Variants in NRTN observed in about 807,000 individuals in gnomAD.
NRTN encodes neurturin.
A neutral mutation model predicts 7.5 loss-of-function variants in NRTN; 3 were observed. The observed-to-expected ratio is 0.40, with a 90% CI of 0.18 to 1.03. The LOEUF (loss-of-function observed/expected upper bound fraction) is 1.03. NRTN is among the 50% of genes least tolerant of loss of function. NRTN has a pLI of 0.34. For synonymous variants in NRTN, 157 were observed against 146.6 expected (o/e 1.07, Z -0.51); for missense variants, 310 against 307.0 (o/e 1.01, Z -0.07).
At chr19:5,826,286 C>T (rs1327959994) in intron 2 of NRTN, among the ~76,000 whole-genome samples, 1 of 152,160 alleles carries the variant, frequency 6.6e-6, no homozygotes, top group African/African-American at 2.4e-5. Context: ...CCTGGCCACT[C>T]CAGTCCTGCT....
chr19:5,822,440 G>C (rs1053456712), intron 1 of NRTN, among the ~76,000 whole-genome samples: 8 of 152,240 alleles, frequency 5.3e-5, no homozygotes, highest in Admixed American at 3.3e-4. Flanking sequence ...TGTAAACTCG[G>C]GCTGGGGGCC....
At chr19:5,816,291 G>T (rs1166228998) in intron 1 of NRTN, among the ~76,000 whole-genome samples, 1 of 152,034 alleles carries the variant, frequency 6.6e-6, no homozygotes, top group African/African-American at 2.4e-5. Flanking sequence ...CTTTCCTTTG[G>T]CCCCTCCAAT....
chr19:5,817,923 C>A (rs1014359087), intron 1 of NRTN, among the ~76,000 whole-genome samples: 2 of 152,118 alleles, frequency 1.3e-5, no homozygotes, highest in African/African-American at 2.4e-5. Context: ...CCTCAGCCTC[C>A]CGAGTAGCTG....
At position 5,824,317 on chromosome 19, in the gene NRTN, T is replaced by G. The variant is rs767952171; in HGVS notation, c.152T>G (p.Ile51Ser). The G allele has an allele frequency of 2.5e-6, 4 of 1,604,776 alleles. No homozygotes were observed. In the Admixed American group the frequency reaches 6.8e-5, roughly 27 times the overall value. Reference protein sequence around the residue: ...HRLPRTLDARIARLAQYRALL... With the variant: ...HRLPRTLDARSARLAQYRALL... The stretch of plus-strand genomic sequence containing the variant: ...CTGCCTCGAACCCTGGACGCCCGGA[T>G]TGCCCGCCTGGCCCAGTGTAAGCTC... The change falls in exon 2 of 3, where the codon ATT (isoleucine) becomes AGT (serine). Residue 51 changes from isoleucine to serine, a missense_variant. Physicochemically the swap from Ile to Ser is moderately radical, Grantham distance 142 (BLOSUM62 -2). Coordinates refer to ENST00000303212, the MANE Select transcript of NRTN (RefSeq NM_004558.5).
At chr19:5,824,477 A>G (rs1264417331) in intron 2 of NRTN, 143 bp downstream of exon 2, 11 of 1,078,828 alleles carry the variant, frequency 1.0e-5, no homozygotes, top group Non-Finnish European at 1.5e-5. Flanking sequence ...GCAGGGACAG[A>G]CATCCTAAAA....
At chr19:5,819,710 T>A (rs1438194896) in intron 1 of NRTN, among the ~76,000 whole-genome samples, 3 of 151,756 alleles carry the variant, frequency 2.0e-5, no homozygotes, top group African/African-American at 4.8e-5. Context: ...TGGCTGGGTG[T>A]GGTGGTGCAT....
intron 1 of NRTN, among the ~76,000 whole-genome samples, chr19:5,821,028 T>C (rs1278906409): frequency 2.0e-5 from 3 of 152,200 alleles, no homozygotes; most frequent in Non-Finnish European, 4.4e-5. Flanking sequence ...CTGGAACACC[T>C]GCCCCCAGAT....
At position 5,820,945 on chromosome 19, in the gene NRTN, G is replaced by C. The variant is rs1049354440; in HGVS notation, c.-398-2823G>C. ...CCCTCCTCACTCTGCTCAGACACAC[G>C]GGCCTCCTCACTGTTCCTCCAACAC... On this transcript the variant is annotated intron_variant, in intron 1 of 2. Coordinates refer to ENST00000303212, the MANE Select transcript of NRTN (RefSeq NM_004558.5). 2.9e-4 allele frequency among the ~76,000 whole-genome samples: 44 copies of C among 152,016 alleles called. 1 individual carries two copies. The highest frequency in any genetic ancestry group is 1.0e-3 in the African/African-American group (42 of 41,478).
chr19:5,816,682 T>A (rs183524444), intron 1 of NRTN, among the ~76,000 whole-genome samples: 133 of 152,094 alleles, frequency 8.7e-4, no homozygotes, highest in Admixed American at 3.8e-3. Flanking sequence ...GTGCCCCGTC[T>A]TGTCTTCTTT....
intron 1 of NRTN, among the ~76,000 whole-genome samples, chr19:5,822,098 A>G (rs2057026833): frequency 6.6e-6 from 1 of 152,116 alleles, no homozygotes; most frequent in South Asian, 2.1e-4. Flanking sequence ...TTAAGGTCTG[A>G]TATGTGTAGC....
intron 1 of NRTN, among the ~76,000 whole-genome samples, chr19:5,808,923 T>C (rs945625998): frequency 1.3e-5 from 2 of 151,720 alleles, no homozygotes; most frequent in Non-Finnish European, 2.9e-5. Context: ...GCCCGGCTAA[T>C]TTTTTGTATT....
intron 1 of NRTN, among the ~76,000 whole-genome samples, chr19:5,822,385 C>T (rs763860585): frequency 1.3e-5 from 2 of 152,176 alleles, no homozygotes; most frequent in South Asian, 2.1e-4. Context: ...CCTGGCCGGC[C>T]GCCAGGCTCC....
rs1950542336 is a variant in NRTN at position 5,823,757 on chromosome 19, T to C, written c.-398-11T>C. 3 of 334,026 alleles carry C rather than the reference T, an allele frequency of 9.0e-6. No homozygotes were observed. Among genetic ancestry groups the C allele is most frequent in the South Asian group, 5.6e-5 (2 of 35,628 alleles). 20.7% of individuals were successfully genotyped at this position (334,026 alleles called of 1,614,324 possible). ...CCTCTCCTCCTTTCACTCTTCCCCC[T>C]GGCTCCTCAGCTGCAGCCGCTCCGG... On this transcript the variant is annotated splice_polypyrimidine_tract_variant and intron_variant, in intron 1 of 2. Transcript: ENST00000303212.
chr19:5,828,208 C>A lies in NRTN; in HGVS notation c.*35C>A. ...ACTCGGCCGGCGCGGCGGCCACTCC[C>A]CCCGCCTCGACGGCACCACTGGCCG... On this transcript the variant is annotated 3_prime_UTR_variant, in exon 3 of 3. Transcript: ENST00000303212. 6.6e-7 allele frequency: 1 copy of A among 1,526,376 alleles called. No homozygotes were observed. The highest frequency in any genetic ancestry group is 8.8e-7 in the Non-Finnish European group (1 of 1,142,292). The allele number at this position is 1,526,376 out of a possible 1,614,324, so 94.6% of individuals were successfully genotyped here.
At chr19:5,810,263 C>T (rs1599633931) in intron 1 of NRTN, among the ~76,000 whole-genome samples, 1 of 115,274 alleles carries the variant, frequency 8.7e-6, no homozygotes, top group East Asian at 3.3e-4. Flanking sequence ...AAGACTCTGT[C>T]TCAAAAAAAA....
chr19:5,824,513 C>T (rs908532342), intron 2 of NRTN, among the ~76,000 whole-genome samples, 179 bp downstream of exon 2: 15 of 152,306 alleles, frequency 9.8e-5, no homozygotes, highest in African/African-American at 2.4e-4. Flanking sequence ...GGCATGGTGG[C>T]GCCTGCCTAT....
At chr19:5,814,063 G>A (rs755164551) in intron 1 of NRTN, among the ~76,000 whole-genome samples, 4 of 152,102 alleles carry the variant, frequency 2.6e-5, no homozygotes, top group African/African-American at 7.2e-5. Context: ...GGAGTGAAAC[G>A]GAGAGGAAGG....
At chr19:5,818,743 C>G (rs1340682348) in intron 1 of NRTN, among the ~76,000 whole-genome samples, 1 of 152,034 alleles carries the variant, frequency 6.6e-6, no homozygotes, top group Non-Finnish European at 1.5e-5. Context: ...GCCCCCTCCC[C>G]GTGCCCTCCG....
intron 1 of NRTN, among the ~76,000 whole-genome samples, chr19:5,821,327 CAG>C (rs1371558927): frequency 1.0e-5 from 1 of 96,254 alleles, no homozygotes; most frequent in Admixed American, 1.6e-4. Context: ...TTTTTTGCGA[CAG>C]AGTTTCATTC....
Sources: gnomAD v4.1 joint callset for allele counts (sites outside exome capture counted in the v4.1 genomes callset) on GRCh38, gnomAD v4.1.1 for gene constraint, MANE v1.5 for transcripts, NCBI Gene and HGNC (gene_info 2026-07-23, HGNC 2026-07-21) for gene names.